AGBL4: variants seen among roughly 807,000 people sequenced by gnomAD.
AGBL4 encodes AGBL carboxypeptidase 4.
Under a neutral mutation model 66.4 loss-of-function variants are expected in AGBL4, and 58 were observed. The ratio of observed to expected loss-of-function variants is 0.87; its 90% CI spans 0.71 to 1.09. The LOEUF (loss-of-function observed/expected upper bound fraction) is 1.09, where lower values mean the gene tolerates loss of function less well. Among genes scored for constraint, AGBL4 ranks in the 50% least tolerant of loss-of-function variants. The probability of loss-of-function intolerance (pLI) is 0.00; values close to 1 mark genes in which losing one functional copy is unlikely to be tolerated. For synonymous variants in AGBL4, 234 were observed against 222.9 expected (o/e 1.05, Z -0.44); for missense variants, 579 against 631.0 (o/e 0.92, Z 0.88).
chr1:49,769,759 T>C (rs1435999113), intron 2 of AGBL4, among the ~76,000 whole-genome samples: 15 of 152,236 alleles, frequency 9.9e-5, no homozygotes, highest in African/African-American at 9.6e-5. Flanking sequence ...GCTATCCATA[T>C]GCAGATGAAT....
chr1:48,719,366 A>G (rs1026993966), intron 6 of AGBL4, among the ~76,000 whole-genome samples: 1 of 149,760 alleles, frequency 6.7e-6, no homozygotes, highest in Non-Finnish European at 1.5e-5. Flanking sequence ...CAGTGCCAGC[A>G]CTTAAGGAGG....
intron 1 of AGBL4, among the ~76,000 whole-genome samples, chr1:49,884,844 C>A (rs961324964): frequency 6.6e-6 from 1 of 151,312 alleles, no homozygotes; most frequent in African/African-American, 2.4e-5. Context: ...GCAGAGGGAA[C>A]AAAGAAAAAT....
intron 1 of AGBL4, among the ~76,000 whole-genome samples, chr1:49,975,869 C>G (rs1262647019): frequency 1.3e-5 from 2 of 152,176 alleles, no homozygotes; most frequent in Non-Finnish European, 2.9e-5. Context: ...CATTATTGTT[C>G]CTACTACTGC....
intron 1 of AGBL4, among the ~76,000 whole-genome samples, chr1:49,911,186 G>A (rs1196654647): frequency 6.6e-6 from 1 of 152,156 alleles, no homozygotes; most frequent in African/African-American, 2.4e-5. Flanking sequence ...GAGTGGGGTT[G>A]TATAGTGCCA....
chr1:49,491,536 T>C (rs1010601111), intron 3 of AGBL4, among the ~76,000 whole-genome samples: 4 of 151,942 alleles, frequency 2.6e-5, no homozygotes, highest in African/African-American at 7.2e-5. Flanking sequence ...AAGTCATTTA[T>C]CTTTTCCAAA....
At chr1:49,856,783 GA>G (rs1220001634) in intron 1 of AGBL4, among the ~76,000 whole-genome samples, 1 of 151,860 alleles carries the variant, frequency 6.6e-6, no homozygotes, top group African/African-American at 2.4e-5. Flanking sequence ...TACTGAATAC[GA>G]AAAATCTCAA....
intron 4 of AGBL4, among the ~76,000 whole-genome samples, chr1:49,212,399 T>C (rs1648743356): frequency 6.6e-6 from 1 of 152,130 alleles, no homozygotes; most frequent in African/African-American, 2.4e-5. Flanking sequence ...AATAAGCTAT[T>C]ACACCAGCTC....
At chr1:49,042,909 T>C (rs1389617929) in intron 5 of AGBL4, among the ~76,000 whole-genome samples, 1 of 152,228 alleles carries the variant, frequency 6.6e-6, no homozygotes, top group East Asian at 1.9e-4. Context: ...CATTTTTTCA[T>C]TGTTTCAATC....
At chr1:48,553,105 C>T (rs1362474191) in intron 11 of AGBL4, among the ~76,000 whole-genome samples, 7 of 152,090 alleles carry the variant, frequency 4.6e-5, no homozygotes, top group Non-Finnish European at 1.0e-4. Flanking sequence ...TCATGGCTTC[C>T]TCATTCCCCT....
At chr1:49,178,937 A>G (rs1011787744) in intron 4 of AGBL4, among the ~76,000 whole-genome samples, 1 of 152,180 alleles carries the variant, frequency 6.6e-6, no homozygotes, top group Non-Finnish European at 1.5e-5. Flanking sequence ...TTGGTTAGAG[A>G]TGGTATCAAA....
At chr1:49,076,272 T>C (rs1018659984) in intron 4 of AGBL4, among the ~76,000 whole-genome samples, 3 of 152,196 alleles carry the variant, frequency 2.0e-5, no homozygotes, top group African/African-American at 7.2e-5. Context: ...GAAAATCACA[T>C]AGCATTTGCA....
chr1:49,310,156 G>A (rs1644918660), intron 3 of AGBL4, among the ~76,000 whole-genome samples: 3 of 151,992 alleles, frequency 2.0e-5, no homozygotes, highest in Admixed American at 2.0e-4. Context: ...GGTGAATGAG[G>A]GACAATATAG....
At chr1:49,003,767 T>C (rs1049181621) in intron 5 of AGBL4, among the ~76,000 whole-genome samples, 7 of 152,268 alleles carry the variant, frequency 4.6e-5, no homozygotes, top group Non-Finnish European at 1.0e-4. Flanking sequence ...GAGAGCCAGG[T>C]CCATATTTAG....
At chr1:48,708,746 G>T (rs1421743681) in intron 6 of AGBL4, among the ~76,000 whole-genome samples, 5 of 152,194 alleles carry the variant, frequency 3.3e-5, no homozygotes, top group Admixed American at 3.3e-4. Context: ...TAGCCTCTGA[G>T]AGGTAACCTG....
intron 5 of AGBL4, among the ~76,000 whole-genome samples, chr1:48,949,798 C>A (rs1656815705): frequency 1.3e-5 from 2 of 152,152 alleles, no homozygotes; most frequent in African/African-American, 4.8e-5. Flanking sequence ...GATGGAGGTA[C>A]CGGGGAAGAA....
intron 1 of AGBL4, among the ~76,000 whole-genome samples, chr1:49,909,823 G>A (rs1276912517): frequency 6.6e-6 from 1 of 152,176 alleles, no homozygotes; most frequent in Non-Finnish European, 1.5e-5. Context: ...GCTAGAGAAA[G>A]AGAGGATTTA....
chr1:49,139,779 G>A (rs1441776344), intron 4 of AGBL4, among the ~76,000 whole-genome samples: 2 of 152,078 alleles, frequency 1.3e-5, no homozygotes, highest in Non-Finnish European at 2.9e-5. Context: ...TTGACAAGCG[G>A]CTATTTTAAT....
At chr1:48,742,879 T>A in intron 6 of AGBL4, 1 of 1,176,660 alleles carries the variant, frequency 8.5e-7, no homozygotes, top group South Asian at 2.0e-5. Flanking sequence ...ATTTGCTAGC[T>A]TATTTTTGTC....
chr1:49,839,548 T>C (rs1187297161), intron 2 of AGBL4, among the ~76,000 whole-genome samples: 2 of 152,214 alleles, frequency 1.3e-5, no homozygotes, highest in Non-Finnish European at 2.9e-5. Context: ...CATTTGGATT[T>C]TATCCTGAAA....
Sources: allele counts gnomAD v4.1 joint callset (sites outside exome capture counted in the v4.1 genomes callset), GRCh38; gene constraint gnomAD v4.1.1; transcripts MANE v1.5; gene names NCBI Gene and HGNC (gene_info 2026-07-23, HGNC 2026-07-21).